Variants in PCDHA4 observed in about 807,000 individuals in gnomAD.
PCDHA4 encodes protocadherin alpha 4.
Under a neutral mutation model 61.4 loss-of-function variants are expected in PCDHA4, and 49 were observed. The ratio of observed to expected loss-of-function variants is 0.80; its 90% CI spans 0.63 to 1.01. PCDHA4 has a LOEUF of 1.01. PCDHA4 is among the 50% of genes least tolerant of loss of function. The pLI is 0.00. For missense variants in PCDHA4, 1,254 were observed against 1,235.8 expected (o/e 1.01, Z -0.22); for synonymous variants, 590 against 550.3 (o/e 1.07, Z -1.01).
intron 1 of PCDHA4, chr5:140,835,562 T>C (rs1470356959): frequency 6.8e-6 from 11 of 1,613,922 alleles, no homozygotes; most frequent in Non-Finnish European, 8.5e-6. Flanking sequence ...CGCCCCGCGT[T>C]CCCTTCAAGT....
At chr5:140,979,211 A>G (rs1241898337) in intron 2 of PCDHA4, among the ~76,000 whole-genome samples, 18 of 152,222 alleles carry the variant, frequency 1.2e-4, no homozygotes, top group Admixed American at 7.9e-4. Context: ...GTGCTGGCAT[A>G]TAAGAGTCCT....
chr5:140,882,482 G>A, intron 1 of PCDHA4: 1 of 1,614,048 alleles, frequency 6.2e-7, no homozygotes, highest in South Asian at 1.1e-5. Context: ...CAAAAGACAC[G>A]GGGACCTTCT....
chr5:140,993,523 CAG>C (rs111789518), intron 3 of PCDHA4, among the ~76,000 whole-genome samples: 1,510 of 145,458 alleles, frequency 0.01, 24 homozygotes, highest in African/African-American at 0.035. Flanking sequence ...GAGAGAGAGA[CAG>C]AGAGAGAGAG....
rs762916391 is a variant in PCDHA4, at chr5:140,927,929, C to T, written c.2386-51020C>T. 13 of 1,614,090 alleles carry T rather than the reference C, an allele frequency of 8.1e-6. No homozygotes were observed. The highest frequency in any genetic ancestry group is 5.0e-5 in the Admixed American group (3 of 60,008). ...CCCGAACTGGACTTCCTGACTCTTT[C>T]GAACCCAGTACCTGAGGACGCTGCC... On this transcript the variant is annotated intron_variant, in intron 1 of 3. Transcript: ENST00000530339.
At position 140,916,547 on chromosome 5, in the gene PCDHA4, T is replaced by A. The variant is rs541671578; in HGVS notation, c.2386-62402T>A. On this transcript the variant is annotated intron_variant, in intron 1 of 3. Transcript: ENST00000530339. ...TCCTTCCCACCAAGGCAATGGGTTT[T>A]CTATTTGTCCAGGGTGTGTCTAGAA... Among the ~76,000 whole-genome samples the A allele has an allele frequency of 2.0e-4, 31 of 152,324 alleles. 1 individual carries two copies. Among genetic ancestry groups the A allele is most frequent in the Non-Finnish European group, 3.4e-4 (23 of 68,020 alleles).
At chr5:140,828,468 T>C in intron 1 of PCDHA4, 1 of 1,614,148 alleles carries the variant, frequency 6.2e-7, no homozygotes, top group Non-Finnish European at 8.5e-7. Flanking sequence ...GTGAGGGACA[T>C]TAACGACAAC....
At chr5:140,993,532 AG>A (rs2097571069) in intron 3 of PCDHA4, among the ~76,000 whole-genome samples, 7 of 152,102 alleles carry the variant, frequency 4.6e-5, no homozygotes, top group African/African-American at 1.7e-4. Context: ...ACAGAGAGAG[AG>A]AGAGATAGAG....
chr5:140,921,888 A>G (rs1430604991), intron 1 of PCDHA4, among the ~76,000 whole-genome samples: 8 of 152,090 alleles, frequency 5.3e-5, no homozygotes, highest in African/African-American at 1.9e-4. Context: ...AGATTTTAGA[A>G]AGGAGGATAA....
intron 1 of PCDHA4, among the ~76,000 whole-genome samples, chr5:140,921,258 G>C (rs537231615): frequency 6.6e-6 from 1 of 151,824 alleles, no homozygotes; most frequent in South Asian, 2.1e-4. Flanking sequence ...AAAAGTCCTA[G>C]ACTTTTATAC....
chr5:140,942,633 G>A (rs1554215141), intron 1 of PCDHA4, among the ~76,000 whole-genome samples: 1 of 151,496 alleles, frequency 6.6e-6, no homozygotes, highest in Admixed American at 6.6e-5. Context: ...AAAAAAAATG[G>A]CAAAAGAGAT....
At chr5:140,967,710 G>A (rs868978149) in intron 1 of PCDHA4, 1 of 1,614,182 alleles carries the variant, frequency 6.2e-7, no homozygotes, top group Non-Finnish European at 8.5e-7. Flanking sequence ...GCCAGTACCG[G>A]GGAAGTGCGA....
chr5:140,937,588 G>T (rs1414065719), intron 1 of PCDHA4, among the ~76,000 whole-genome samples: 1 of 151,364 alleles, frequency 6.6e-6, no homozygotes, highest in African/African-American at 2.4e-5. Context: ...CTGCACTCTA[G>T]CCTGGGCAAC....
chr5:140,845,872 C>T (rs1261726866), intron 1 of PCDHA4, among the ~76,000 whole-genome samples: 3 of 149,504 alleles, frequency 2.0e-5, no homozygotes, highest in Non-Finnish European at 4.5e-5. Flanking sequence ...AGAAAGGCAA[C>T]CTAAAATGTC....
chr5:140,967,745 G>A, intron 1 of PCDHA4: 1 of 1,614,184 alleles, frequency 6.2e-7, no homozygotes, highest in Non-Finnish European at 8.5e-7. Flanking sequence ...GGATTATGAG[G>A]AAGCCTCCTC....
In PCDHA4 at chr5:141,011,225, A is replaced by G. The variant is rs962544716; in HGVS notation, c.*1288A>G. ...ATACAGTGAGCAGATTTTTCAATCT[A>G]CTAATTCTGTGACTTGTCTTGGTGT... On this transcript the variant is annotated 3_prime_UTR_variant, in exon 4 of 4. Transcript: ENST00000530339. 6.5e-6 allele frequency: 1 copy of G among 153,740 alleles called. No homozygotes were observed. Among genetic ancestry groups the G allele is most frequent in the South Asian group, 2.1e-4 (1 of 4,826 alleles). The allele number at this position is 153,740 out of a possible 1,614,324, so 9.5% of individuals were successfully genotyped here.
At chr5:140,987,268 C>T (rs190952772) in intron 3 of PCDHA4, among the ~76,000 whole-genome samples, 177 of 151,894 alleles carry the variant, frequency 1.2e-3, no homozygotes, top group African/African-American at 4.1e-3. Flanking sequence ...GAATGGGACC[C>T]GGCAGTCTAT....
chr5:140,950,809 A>G (rs1554219635), intron 1 of PCDHA4, among the ~76,000 whole-genome samples: 1 of 152,102 alleles, frequency 6.6e-6, no homozygotes, highest in African/African-American at 2.4e-5. Context: ...GTTTTACCAT[A>G]GTAGGGTTAA....
At chr5:140,828,301 C>A (rs2150153723) in intron 1 of PCDHA4, 1 of 1,614,080 alleles carries the variant, frequency 6.2e-7, no homozygotes, top group South Asian at 1.1e-5. Context: ...CCTCCAAAGA[C>A]CGCGAGGACC....
rs1289602070 is a variant in PCDHA4, at chr5:140,823,010, T to A, written c.2385+13438T>A. 3 of 1,614,120 alleles carry A rather than the reference T, an allele frequency of 1.9e-6. No homozygotes were observed. In the African/African-American group the frequency reaches 4.0e-5, roughly 22 times the overall value. On this transcript the variant is annotated intron_variant, in intron 1 of 3. Coordinates refer to ENST00000530339, the MANE Select transcript of PCDHA4 (RefSeq NM_018907.4). Reference sequence around the variant, plus strand: ...TACTCGTTGGTGCTGGACAGCGCCCTGGACCGCGAGAGCGTGTCGGTCTAT... The same window carrying A: ...TACTCGTTGGTGCTGGACAGCGCCCAGGACCGCGAGAGCGTGTCGGTCTAT...
Sources: allele counts gnomAD v4.1 joint callset (sites outside exome capture counted in the v4.1 genomes callset), GRCh38; gene constraint gnomAD v4.1.1; transcripts MANE v1.5; gene names NCBI Gene and HGNC (gene_info 2026-07-23, HGNC 2026-07-21).